CAMK1D: variants seen among roughly 807,000 people sequenced by gnomAD.
CAMK1D encodes the protein calcium/calmodulin dependent protein kinase ID, also known as calcium/calmodulin-dependent protein kinase type 1D.
Under a neutral mutation model 47.7 loss-of-function variants are expected in CAMK1D, and 9 were observed. That is an observed-to-expected ratio of 0.19 (90% CI 0.11 to 0.33). The LOEUF is 0.33. CAMK1D is among the 10% of genes least tolerant of loss of function. The probability of loss-of-function intolerance (pLI) is 1.00; values close to 1 mark genes in which losing one functional copy is unlikely to be tolerated. For missense variants in CAMK1D, 291 were observed against 488.7 expected (o/e 0.60, Z 3.81); for synonymous variants, 184 against 184.9 (o/e 0.99, Z 0.04).
intron 8 of CAMK1D, among the ~76,000 whole-genome samples, chr10:12,818,418 C>A (rs1299343474): frequency 6.6e-6 from 1 of 152,160 alleles, no homozygotes; most frequent in Admixed American, 6.5e-5. Flanking sequence ...TGCCTGTAAT[C>A]CCAGCACTTT....
At chr10:12,354,001 G>A (rs1488584256) in intron 1 of CAMK1D, among the ~76,000 whole-genome samples, 1 of 152,060 alleles carries the variant, frequency 6.6e-6, no homozygotes, top group Non-Finnish European at 1.5e-5. Context: ...GTGGTGTCTA[G>A]GAAGCACCCT....
intron 1 of CAMK1D, among the ~76,000 whole-genome samples, chr10:12,530,127 A>G (rs1190784545): frequency 6.6e-6 from 1 of 152,218 alleles, no homozygotes; most frequent in East Asian, 1.9e-4. Context: ...AGGGGAAGCT[A>G]CAGCTCTGGT....
intron 3 of CAMK1D, among the ~76,000 whole-genome samples, chr10:12,723,772 T>A (rs1834496677): frequency 6.6e-6 from 1 of 152,244 alleles, no homozygotes; most frequent in South Asian, 2.1e-4. Context: ...TTATATTTTT[T>A]ATTATACTTT....
intron 3 of CAMK1D, among the ~76,000 whole-genome samples, chr10:12,715,237 C>T (rs974714140): frequency 6.6e-6 from 1 of 152,124 alleles, no homozygotes; most frequent in African/African-American, 2.4e-5. Flanking sequence ...TTTTGCTTTT[C>T]ATTCTTTTAT....
intron 1 of CAMK1D, among the ~76,000 whole-genome samples, chr10:12,552,589 T>C (rs1336469874): frequency 6.6e-6 from 1 of 152,190 alleles, no homozygotes; most frequent in East Asian, 1.9e-4. Flanking sequence ...GAGGAACCTC[T>C]TGTGGGAGCG....
At chr10:12,393,380 C>T (rs4750211) in intron 1 of CAMK1D, among the ~76,000 whole-genome samples, 30,055 of 151,954 alleles carry the variant, frequency 0.2, 3,559 homozygotes, top group Middle Eastern at 0.31. Flanking sequence ...CTACTGAATG[C>T]AACTCATGGT....
At chr10:12,773,381 G>A (rs1837130597) in intron 5 of CAMK1D, among the ~76,000 whole-genome samples, 1 of 152,182 alleles carries the variant, frequency 6.6e-6, no homozygotes. Context: ...GTATGAAATG[G>A]CATAGTATTT....
chr10:12,806,618 T>C (rs1838742244), intron 6 of CAMK1D, among the ~76,000 whole-genome samples: 1 of 152,196 alleles, frequency 6.6e-6, no homozygotes, highest in African/African-American at 2.4e-5. Context: ...TCCTCCCCTC[T>C]TTCAAAGTGT....
chr10:12,620,214 A>AAAAAAAAAAAAAAAAAAAAAC (rs1838956495), intron 2 of CAMK1D, among the ~76,000 whole-genome samples: 1 of 135,938 alleles, frequency 7.4e-6, no homozygotes, highest in Non-Finnish European at 1.7e-5. Flanking sequence ...AAAAAAAAAA[A>AAAAAAAAAAAAAAAAAAAAAC]AAAATAAAGC....
intron 5 of CAMK1D, among the ~76,000 whole-genome samples, chr10:12,783,460 A>G (rs1837588926): frequency 6.6e-6 from 1 of 152,206 alleles, no homozygotes; most frequent in Non-Finnish European, 1.5e-5. Context: ...AGCACCCTGA[A>G]CGTGGGCTTC....
chr10:12,727,089 C>T (rs180852118), intron 3 of CAMK1D, among the ~76,000 whole-genome samples: 4 of 152,340 alleles, frequency 2.6e-5, no homozygotes, highest in Admixed American at 6.5e-5. Context: ...CATGTGCTGA[C>T]GGAGGCTTGT....
chr10:12,689,458 T>A (rs1832787229), intron 3 of CAMK1D, among the ~76,000 whole-genome samples: 1 of 152,152 alleles, frequency 6.6e-6, no homozygotes. Context: ...GTGAAGTGGT[T>A]TTCTCACAAG....
In CAMK1D at chr10:12,484,626, G is replaced by A. The variant is rs539838997; in HGVS notation, c.93-68599G>A. ...AGGGAAATAGCTGCGGGGAGGGTGAGCTCATTCACGGGGACCACTCAGCAG... is the reference window on the plus strand; with the variant it reads ...AGGGAAATAGCTGCGGGGAGGGTGAACTCATTCACGGGGACCACTCAGCAG... On this transcript the variant is annotated intron_variant, in intron 1 of 10. Coordinates refer to ENST00000619168, the MANE Select transcript of CAMK1D (RefSeq NM_153498.4). Among the ~76,000 whole-genome samples, 6 of 152,318 alleles carry A rather than the reference G, an allele frequency of 3.9e-5. No individual in the cohort carries two copies. In the South Asian group the frequency reaches 1.2e-3, roughly 32 times the overall value.
chr10:12,676,780 A>G (rs1295580406), intron 3 of CAMK1D, among the ~76,000 whole-genome samples: 1 of 152,198 alleles, frequency 6.6e-6, no homozygotes, highest in African/African-American at 2.4e-5. Flanking sequence ...TACCTGGAAA[A>G]TGATATTCGT....
At chr10:12,515,362 G>T (rs1288207257) in intron 1 of CAMK1D, among the ~76,000 whole-genome samples, 1 of 148,694 alleles carries the variant, frequency 6.7e-6, no homozygotes, top group Non-Finnish European at 1.5e-5. Flanking sequence ...AGCCTCGGCA[G>T]CCTTTCTCTA....
In CAMK1D at chr10:12,519,978, C is replaced by T. The variant is rs1344848186; in HGVS notation, c.93-33247C>T. ...CTCCCTCCTGGACGGGGCAACTGGC[C>T]GGGCAGAGGGGCTCCTCACTTCCCA... On this transcript the variant is annotated intron_variant, in intron 1 of 10. Coordinates refer to ENST00000619168, the MANE Select transcript of CAMK1D (RefSeq NM_153498.4). Among the ~76,000 whole-genome samples the T allele has an allele frequency of 2.9e-4, 17 of 59,448 alleles. 1 individual carries two copies. The highest frequency in any genetic ancestry group is 7.5e-4 in the Admixed American group (5 of 6,694). 39.0% of individuals were successfully genotyped at this position (59,448 alleles called of 152,430 possible). A position where few individuals can be genotyped will look rare whatever the true frequency, so the allele number is the denominator to read the frequency against.
At chr10:12,350,073 C>T (rs1837304706) in intron 1 of CAMK1D, among the ~76,000 whole-genome samples, 163 bp downstream of exon 1, 1 of 151,804 alleles carries the variant, frequency 6.6e-6, no homozygotes, top group South Asian at 2.1e-4. Context: ...GCGCGCCCGA[C>T]GCGTGGGCCT....
At chr10:12,805,327 CATT>C (rs566523072) in intron 6 of CAMK1D, among the ~76,000 whole-genome samples, 399 of 149,764 alleles carry the variant, frequency 2.7e-3, no homozygotes, top group Admixed American at 4.9e-3. Context: ...GGAAGGTAAA[CATT>C]ATAATCATGA....
intron 3 of CAMK1D, among the ~76,000 whole-genome samples, chr10:12,758,866 G>C (rs1275938748): frequency 6.6e-6 from 1 of 152,150 alleles, no homozygotes; most frequent in East Asian, 1.9e-4. Context: ...AGGCAGAACA[G>C]TGAGAAGCAA....
Sources: allele counts gnomAD v4.1 joint callset (sites outside exome capture counted in the v4.1 genomes callset), GRCh38; gene constraint gnomAD v4.1.1; transcripts MANE v1.5; gene names NCBI Gene and HGNC (gene_info 2026-07-23, HGNC 2026-07-21).